ZEB1: variants seen among roughly 807,000 people sequenced by gnomAD.
ZEB1 encodes the protein zinc finger E-box binding homeobox 1, also known as zinc finger E-box-binding homeobox 1.
In ZEB1, 21 loss-of-function variants were observed where a neutral mutation model predicts 84.9. The observed-to-expected ratio is 0.25, with a 90% CI of 0.18 to 0.36. The LOEUF (loss-of-function observed/expected upper bound fraction) is 0.36, where lower values mean the gene tolerates loss of function less well. Among genes scored for constraint, ZEB1 ranks in the 10% least tolerant of loss-of-function variants. The pLI is 1.00. For missense variants in ZEB1, 1,104 were observed against 1,330.2 expected, an observed-to-expected ratio of 0.83 and a Z score of 2.65; for synonymous variants, 420 against 471.1, an observed-to-expected ratio of 0.89 and a Z score of 1.41.
intron 5 of ZEB1, among the ~76,000 whole-genome samples, chr10:31,511,839 A>G (rs1409777405): frequency 6.6e-6 from 1 of 152,220 alleles, no homozygotes; most frequent in Non-Finnish European, 1.5e-5. Flanking sequence ...AAGAATTGTA[A>G]CAGAAAAAGA....
chr10:31,408,431 C>T (rs1214923833), intron 1 of ZEB1, among the ~76,000 whole-genome samples: 3 of 151,808 alleles, frequency 2.0e-5, no homozygotes, highest in African/African-American at 4.9e-5. Context: ...GAGCCTGCAT[C>T]GCCAAGTCAA....
intron 1 of ZEB1, among the ~76,000 whole-genome samples, chr10:31,456,151 A>G (rs1393191131): frequency 6.6e-6 from 1 of 152,142 alleles, no homozygotes; most frequent in East Asian, 1.9e-4. Flanking sequence ...GCAAACTATC[A>G]CAAGAACAGA....
Position 31,521,200 on chromosome 10 carries a change from T to A in ZEB1, c.1868T>A (p.Leu623Gln), listed in dbSNP as rs762587574. Residue 623 changes from leucine to glutamine, a missense_variant, in exon 7 of 9, where the codon CTG (leucine) becomes CAG (glutamine). Around this residue, in one of 7 missense-constraint regions of ZEB1, gnomAD observed 531 missense variants for 575.2 expected, o/e 0.92. Coordinates refer to ENST00000424869, the MANE Select transcript of ZEB1 (RefSeq NM_001174096.2). The part of the protein sequence containing the change: ...SKIADSVNLP[L>Q]DVVKKWFEKM... ...ATTGCTGATTCAGTAAACCTACCAC[T>A]GGATGTAGTAAAAAAGTGGTTTGAA... 1 of 1,614,074 alleles carries A rather than the reference T, an allele frequency of 6.2e-7. No individual in the cohort carries two copies. The highest frequency in any genetic ancestry group is 1.1e-5 in the South Asian group (1 of 91,086).
At chr10:31,509,793 T>C (rs2069645377) in intron 4 of ZEB1, among the ~76,000 whole-genome samples, 1 of 152,238 alleles carries the variant, frequency 6.6e-6, no homozygotes, top group Non-Finnish European at 1.5e-5. Flanking sequence ...TTTATTTCAT[T>C]GAAGAAATGT....
chr10:31,363,853 G>A (rs1254152397), intron 1 of ZEB1: 16 of 1,314,320 alleles, frequency 1.2e-5, no homozygotes, highest in African/African-American at 3.0e-5. Context: ...GACTGGAAAA[G>A]AAGGCCCAAG....
intron 2 of ZEB1, among the ~76,000 whole-genome samples, chr10:31,493,890 T>G (rs573876114): frequency 6.6e-6 from 1 of 152,124 alleles, no homozygotes; most frequent in African/African-American, 2.4e-5. Context: ...CTAAAGAGCC[T>G]AGAATTTATC....
intron 1 of ZEB1, among the ~76,000 whole-genome samples, chr10:31,458,336 T>TGTGTGTG (rs1554882634): frequency 3.3e-4 from 34 of 102,286 alleles, no homozygotes; most frequent in African/African-American, 2.7e-3. Flanking sequence ...TGTGTGTGTG[T>TGTGTGTG]TGTGTGTGTG....
At chr10:31,474,422 A>G (rs1468178318) in intron 2 of ZEB1, among the ~76,000 whole-genome samples, 1 of 152,230 alleles carries the variant, frequency 6.6e-6, no homozygotes, top group Non-Finnish European at 1.5e-5. Flanking sequence ...ACACTTCTCG[A>G]AAGAAGACAT....
intron 1 of ZEB1, chr10:31,319,952 G>C (rs2033373042): frequency 6.7e-6 from 1 of 148,228 alleles, no homozygotes; most frequent in Non-Finnish European, 1.5e-5. Context: ...GCGCGCGTGT[G>C]CGCGGGCGCC....
rs563373187 is a variant in ZEB1, at chr10:31,455,469, A to G, written c.59-5568A>G. 1.3e-4 allele frequency among the ~76,000 whole-genome samples: 20 copies of G among 152,376 alleles called. No individual in the cohort carries two copies. In the South Asian group the frequency reaches 3.9e-3, roughly 30 times the overall value. ...GCAAAAGAAACTATCATCAGAGTGA[A>G]TAGGCAACCTACAGAATGGGAGAAA... On this transcript the variant is annotated intron_variant, in intron 1 of 8. Transcript: ENST00000424869.
chr10:31,474,444 A>G (rs553817892), intron 2 of ZEB1, among the ~76,000 whole-genome samples: 1 of 152,314 alleles, frequency 6.6e-6, no homozygotes, highest in African/African-American at 2.4e-5. Flanking sequence ...TATGCAGCCA[A>G]AAAACACATG....
intron 2 of ZEB1, among the ~76,000 whole-genome samples, chr10:31,480,481 T>G (rs2064898930): frequency 6.6e-6 from 1 of 152,058 alleles, no homozygotes; most frequent in South Asian, 2.1e-4. Context: ...AGCACATGGC[T>G]TCTAGTCTTC....
intron 1 of ZEB1, among the ~76,000 whole-genome samples, chr10:31,329,458 C>G (rs1298541115): frequency 6.6e-6 from 1 of 152,088 alleles, no homozygotes; most frequent in African/African-American, 2.4e-5. Context: ...TGGGTTGTTT[C>G]TGGTTCTTTG....
At chr10:31,419,003 G>A (rs1277818409) in intron 1 of ZEB1, among the ~76,000 whole-genome samples, 1 of 152,106 alleles carries the variant, frequency 6.6e-6, no homozygotes, top group Non-Finnish European at 1.5e-5. Context: ...TTTGGATAAG[G>A]TATGCTCATC....
chr10:31,329,201 A>G (rs1226674716), intron 1 of ZEB1, among the ~76,000 whole-genome samples: 1 of 152,006 alleles, frequency 6.6e-6, no homozygotes, highest in East Asian at 1.9e-4. Context: ...TTCCCCACCT[A>G]TTGCCCCCTA....
chr10:31,353,142 T>C (rs7893255), intron 1 of ZEB1, among the ~76,000 whole-genome samples: 1,614 of 152,340 alleles, frequency 0.011, 28 homozygotes, highest in African/African-American at 0.037. Context: ...CCTCACAGGA[T>C]TGACAGTTAA....
At chr10:31,419,757 A>C (rs950383385) in intron 1 of ZEB1, among the ~76,000 whole-genome samples, 2 of 152,224 alleles carry the variant, frequency 1.3e-5, no homozygotes, top group African/African-American at 4.8e-5. Context: ...GGTGAAAACA[A>C]AGCATTTATT....
chr10:31,388,004 G>T (rs2048942898), intron 1 of ZEB1, among the ~76,000 whole-genome samples: 1 of 152,106 alleles, frequency 6.6e-6, no homozygotes. Flanking sequence ...TCCAAATTCT[G>T]ACATCAGAAA....
chr10:31,459,129 A>C (rs988509674), intron 1 of ZEB1, among the ~76,000 whole-genome samples: 1 of 152,116 alleles, frequency 6.6e-6, no homozygotes, highest in Non-Finnish European at 1.5e-5. Flanking sequence ...ATACTGTACC[A>C]AGGGTGAAAA....
Sources: gnomAD v4.1 joint callset for allele counts (sites outside exome capture counted in the v4.1 genomes callset) on GRCh38, gnomAD v4.1.1 for gene constraint, gnomAD v4.1.1 regional missense constraint, MANE v1.5 for transcripts, NCBI Gene and HGNC (gene_info 2026-07-23, HGNC 2026-07-21) for gene names.